THRB: variants seen among roughly 807,000 people sequenced by gnomAD.
The protein encoded by THRB is nuclear receptor subfamily 1 group A member 2.
A neutral mutation model predicts 47.8 loss-of-function variants in THRB; 12 were observed. That is an observed-to-expected ratio of 0.25 (90% CI 0.16 to 0.41). The LOEUF (loss-of-function observed/expected upper bound fraction) is 0.41, where lower values mean the gene tolerates loss of function less well. Among genes scored for constraint, THRB ranks in the 10% least tolerant of loss-of-function variants. THRB has a pLI of 1.00. For synonymous variants in THRB, 218 were observed against 212.2 expected, an observed-to-expected ratio of 1.03 and a Z score of -0.24; for missense variants, 348 against 589.2, an observed-to-expected ratio of 0.59 and a Z score of 4.24.
intron 1 of THRB, among the ~76,000 whole-genome samples, chr3:24,471,237 T>C (rs1238119039): frequency 2.0e-5 from 3 of 152,202 alleles, no homozygotes; most frequent in African/African-American, 7.2e-5. Context: ...TTGTGTGACA[T>C]GTAAATTCTC....
rs575859295 is a variant in THRB at position 24,437,100 on chromosome 3, G to GTA, written c.-261+57550_-261+57551dup. Among the ~76,000 whole-genome samples, 310 of 147,532 alleles carry GTA rather than the reference G, an allele frequency of 2.1e-3. 3 individuals carry two copies. The highest frequency in any genetic ancestry group is 3.7e-3 in the Non-Finnish European group (252 of 67,204). ...ATATATATCATAAAAATGTGTGTGT[G>GTA]TATATATATATACATACATATAATG... On this transcript the variant is annotated intron_variant, in intron 1 of 10. Transcript: ENST00000646209.
intron 5 of THRB, among the ~76,000 whole-genome samples, chr3:24,175,801 T>C (rs2041064765): frequency 6.6e-6 from 1 of 152,198 alleles, no homozygotes; most frequent in Non-Finnish European, 1.5e-5. Context: ...TTGCATGGTG[T>C]CTTTATAAAC....
intron 1 of THRB, among the ~76,000 whole-genome samples, chr3:24,490,641 C>T (rs73823340): frequency 0.037 from 5,580 of 152,124 alleles, 139 homozygotes; most frequent in East Asian, 0.081. Flanking sequence ...GCATCAGGGG[C>T]CACATATTCA....
At chr3:24,389,663 CA>C (rs2066405184) in intron 1 of THRB, among the ~76,000 whole-genome samples, 1 of 152,108 alleles carries the variant, frequency 6.6e-6, no homozygotes, top group Admixed American at 6.5e-5. Context: ...GATCTTTCTA[CA>C]AACTGCTTCC....
chr3:24,251,642 T>C (rs911141921), intron 3 of THRB, among the ~76,000 whole-genome samples: 30 of 152,188 alleles, frequency 2.0e-4, no homozygotes, highest in Non-Finnish European at 3.4e-4. Flanking sequence ...CAAATTTGCA[T>C]AGACTGAAAA....
chr3:24,261,355 T>C (rs970771826), intron 3 of THRB, among the ~76,000 whole-genome samples: 4 of 151,908 alleles, frequency 2.6e-5, no homozygotes, highest in Non-Finnish European at 5.9e-5. Flanking sequence ...AAAAATTAGC[T>C]GGGCGTGGTG....
intron 5 of THRB, among the ~76,000 whole-genome samples, chr3:24,164,816 G>A (rs933058178): frequency 6.6e-6 from 1 of 152,110 alleles, no homozygotes; most frequent in East Asian, 1.9e-4. Context: ...ACTCACTCCA[G>A]CTTTCAAAGA....
At position 24,117,639 on chromosome 3, in the gene THRB, G is replaced by A. The variant is rs963677055; in HGVS notation, c.*5245C>T. ...AGGCCACCGTAAGGTGAAAGGCCATGTGAATGTTAAGTCTACATGAATGAC... is the reference window on the plus strand; with the variant it reads ...AGGCCACCGTAAGGTGAAAGGCCATATGAATGTTAAGTCTACATGAATGAC... On this transcript the variant is annotated 3_prime_UTR_variant, in exon 11 of 11. Transcript: ENST00000646209. 6.6e-6 allele frequency: 1 copy of A among 152,254 alleles called. No individual in the cohort carries two copies. Among genetic ancestry groups the A allele is most frequent in the Admixed American group, 6.5e-5 (1 of 15,292 alleles). The allele number at this position is 152,254 out of a possible 1,614,324, so 9.4% of individuals were successfully genotyped here. A position where few individuals can be genotyped will look rare whatever the true frequency, so the allele number is the denominator to read the frequency against.
chr3:24,152,965 AAAAAAAAAGAAAG>A (rs2037214162), intron 5 of THRB, among the ~76,000 whole-genome samples: 3 of 76,462 alleles, frequency 3.9e-5, no homozygotes, highest in Non-Finnish European at 7.1e-5. Flanking sequence ...TCTGCCAAAA[AAAAAAAAAGAAAG>A]AAAGAAAGAA....
chr3:24,261,839 T>C (rs1450177382), intron 3 of THRB, among the ~76,000 whole-genome samples: 1 of 152,196 alleles, frequency 6.6e-6, no homozygotes, highest in Non-Finnish European at 1.5e-5. Flanking sequence ...GATGAGACAC[T>C]TTGCTGATTT....
At chr3:24,492,754 G>A (rs1698354541) in intron 1 of THRB, among the ~76,000 whole-genome samples, 1 of 152,238 alleles carries the variant, frequency 6.6e-6, no homozygotes, top group South Asian at 2.1e-4. Flanking sequence ...AAACTGAAAG[G>A]AGATACATGG....
intron 4 of THRB, among the ~76,000 whole-genome samples, chr3:24,196,378 C>A (rs1167684635): frequency 6.6e-6 from 1 of 152,120 alleles, no homozygotes; most frequent in Non-Finnish European, 1.5e-5. Flanking sequence ...GCTTCTGGAA[C>A]TTTAGAGATG....
chr3:24,303,582 T>C (rs1327348109), intron 2 of THRB, among the ~76,000 whole-genome samples: 1 of 152,144 alleles, frequency 6.6e-6, no homozygotes, highest in African/African-American at 2.4e-5. Context: ...GATCCCCTGA[T>C]TCCCACTGTG....
chr3:24,152,394 C>T lies in THRB; in HGVS notation c.380G>A (p.Cys127Tyr). Residue 127 changes from cysteine to tyrosine, a missense_variant, in exon 6 of 11, where the codon TGC (cysteine) becomes TAC (tyrosine). Cys to Tyr is a radical substitution (Grantham distance 194). Coordinates refer to ENST00000646209, the MANE Select transcript of THRB (RefSeq NM_001354712.2). ...YHYRCITCEG[C>Y]KGFFRRTIQK... ...TTGTGGACCCAGGGCAATTACCTTG[C>T]AGCCTTCACACGTGATACAGCGGTA... is the stretch of plus-strand genomic sequence containing the variant. 6.2e-7 allele frequency: 1 copy of T among 1,604,122 alleles called. No homozygotes were observed. Among genetic ancestry groups the T allele is most frequent in the Non-Finnish European group, 8.5e-7 (1 of 1,171,092 alleles).
Position 24,162,099 on chromosome 3 carries a change from A to C in THRB, c.284-9609T>G, listed in dbSNP as rs551069557. Among the ~76,000 whole-genome samples, 4 of 152,198 alleles carry C rather than the reference A, an allele frequency of 2.6e-5. No homozygotes were observed. The East Asian group carries it at 7.7e-4, about 29-fold the overall frequency. ...CTTCAGAGCAGCCAGATGCAGATGC[A>C]GGCTGTTCGGGAACTTCGGAATGTG... On this transcript the variant is annotated intron_variant, in intron 5 of 10. Transcript: ENST00000646209.
intron 1 of THRB, among the ~76,000 whole-genome samples, chr3:24,452,205 A>T (rs1321494449): frequency 6.6e-6 from 1 of 152,218 alleles, no homozygotes; most frequent in African/African-American, 2.4e-5. Flanking sequence ...TTATTTAAAC[A>T]TTAATATTTA....
chr3:24,219,019 C>A (rs2046899322), intron 4 of THRB, among the ~76,000 whole-genome samples: 1 of 152,174 alleles, frequency 6.6e-6, no homozygotes, highest in Non-Finnish European at 1.5e-5. Flanking sequence ...GTAATTCCAG[C>A]ACTTTGAGAA....
intron 5 of THRB, among the ~76,000 whole-genome samples, chr3:24,160,600 C>T (rs571167315): frequency 2.6e-5 from 4 of 152,174 alleles, no homozygotes; most frequent in South Asian, 2.1e-4. Context: ...GGACAGCGCA[C>T]GGGAAGGTCA....
At chr3:24,229,111 A>T (rs2047994059) in intron 3 of THRB, 110 bp from the exon 4 acceptor site, 1 of 718,618 alleles carries the variant, frequency 1.4e-6, no homozygotes, top group African/African-American at 1.8e-5. Flanking sequence ...AATATTTGTT[A>T]CTCTCAACTC....
Sources: gnomAD v4.1 joint callset for allele counts (sites outside exome capture counted in the v4.1 genomes callset) on GRCh38, gnomAD v4.1.1 for gene constraint, MANE v1.5 for transcripts, NCBI Gene and HGNC (gene_info 2026-07-23, HGNC 2026-07-21) for gene names.